Variants in BATF3 observed in about 807,000 individuals in gnomAD.
BATF3 encodes the protein basic leucine zipper ATF-like transcription factor 3.
BATF3 carries 8 observed loss-of-function variants against 16.1 expected under a neutral mutation model. The ratio of observed to expected loss-of-function variants is 0.50; its 90% CI spans 0.29 to 0.90. The LOEUF (loss-of-function observed/expected upper bound fraction) is 0.90. Among genes scored for constraint, BATF3 ranks in the 40% least tolerant of loss-of-function variants. The pLI is 0.08. For missense variants in BATF3, 139 were observed against 167.0 expected, an observed-to-expected ratio of 0.83 and a Z score of 0.92; for synonymous variants, 74 against 72.7, an observed-to-expected ratio of 1.02 and a Z score of -0.09.
chr1:212,686,804 C>G lies in BATF3; in HGVS notation c.371G>C (p.Cys124Ser), dbSNP rs755655500. Residue 124 changes from cysteine to serine, a missense_variant, in exon 3 of 3, where the codon TGC becomes TCC. Cys to Ser is a moderately radical substitution (Grantham distance 112). Transcript: ENST00000243440. Reference sequence around the variant, plus strand: ...GTGTCCCCGGCTTCATCGGGGCAAGCAGCCGGCCACAGGGTCCGGCCGGGG... The same window carrying G: ...GTGTCCCCGGCTTCATCGGGGCAAGGAGCCGGCCACAGGGTCCGGCCGGGG... ...VPPRPDPVAGCLPR is the reference protein window; with the variant it reads ...VPPRPDPVAGSLPR 10 of 1,611,856 alleles carry G rather than the reference C, an allele frequency of 6.2e-6. No homozygotes were observed. The highest frequency in any genetic ancestry group is 1.3e-5 in the African/African-American group (1 of 74,930).
chr1:212,689,826 C>T lies in BATF3; in HGVS notation c.196-2847G>A, dbSNP rs1656956273. Among the ~76,000 whole-genome samples, 1 of 138,438 alleles carries T rather than the reference C, an allele frequency of 7.2e-6. No homozygotes were observed. The highest frequency in any genetic ancestry group is 6.9e-5 in the Admixed American group (1 of 14,524). The allele number at this position is 138,438 out of a possible 152,430, so 90.8% of individuals were successfully genotyped here. A position where few individuals can be genotyped will look rare whatever the true frequency, so the allele number is the denominator to read the frequency against. On this transcript the variant is annotated intron_variant, in intron 2 of 2. Coordinates refer to ENST00000243440, the MANE Select transcript of BATF3 (RefSeq NM_018664.3). The surrounding 1 kb of genome is among the most constrained non-coding windows in gnomAD (Gnocchi z 4.6). ...ACACAGCCCGACACACACACTCTCA[C>T]ACACACACACTCATACACAACCACA...
rs1180865743 is a variant in BATF3 at position 212,689,094 on chromosome 1, T to C, written c.196-2115A>G. Among the ~76,000 whole-genome samples the C allele has an allele frequency of 1.3e-5, 2 of 152,122 alleles. No homozygotes were observed. Among genetic ancestry groups the C allele is most frequent in the East Asian group, 3.8e-4 (2 of 5,196 alleles). On this transcript the variant is annotated intron_variant, in intron 2 of 2. Coordinates refer to ENST00000243440, the MANE Select transcript of BATF3 (RefSeq NM_018664.3). The surrounding 1 kb of genome is among the most constrained non-coding windows in gnomAD (Gnocchi z 4.6). ...TACAGGAACCACATCTTTTATTATGTGTTCTATTCTATTTTGTATCATATT... is the reference window on the plus strand; with the variant it reads ...TACAGGAACCACATCTTTTATTATGCGTTCTATTCTATTTTGTATCATATT...
intron 2 of BATF3, among the ~76,000 whole-genome samples, chr1:212,690,296 G>C (rs1656972500): frequency 6.6e-6 from 1 of 152,192 alleles, no homozygotes; most frequent in Non-Finnish European, 1.5e-5. Flanking sequence ...TGGAAGCCGT[G>C]CGCAGCCCTG....
chr1:212,686,643 C>G lies in BATF3; in HGVS notation c.*148G>C. ...TGTTGGATGTCGGGCTGAGCCCAGT[C>G]TGCAGGGAACACAGCTGGCTGGTCC... On this transcript the variant is annotated 3_prime_UTR_variant, in exon 3 of 3. Transcript: ENST00000243440. 1.5e-6 allele frequency: 2 copies of G among 1,341,802 alleles called. No individual in the cohort carries two copies. The highest frequency in any genetic ancestry group is 1.5e-5 in the African/African-American group (1 of 68,184). The allele number at this position is 1,341,802 out of a possible 1,614,324, so 83.1% of individuals were successfully genotyped here. A position where few individuals can be genotyped will look rare whatever the true frequency, so the allele number is the denominator to read the frequency against.
chr1:212,692,895 C>T (rs911020364), intron 2 of BATF3, among the ~76,000 whole-genome samples: 16 of 152,246 alleles, frequency 1.1e-4, no homozygotes, highest in African/African-American at 3.1e-4. Context: ...TGATGCGCTA[C>T]AGTCTCCAGG....
intron 2 of BATF3, among the ~76,000 whole-genome samples, chr1:212,691,491 C>G (rs1656997510): frequency 6.6e-6 from 1 of 152,218 alleles, no homozygotes; most frequent in South Asian, 2.1e-4. Flanking sequence ...CTCAGGACTT[C>G]AGAATAAGTC....
chr1:212,698,974 C>A (rs993609289), intron 1 of BATF3, among the ~76,000 whole-genome samples: 3 of 152,204 alleles, frequency 2.0e-5, no homozygotes, highest in African/African-American at 4.8e-5. Context: ...CCAGCGACAC[C>A]TGATGACATG....
chr1:212,694,277 A>G (rs759465752), intron 2 of BATF3, among the ~76,000 whole-genome samples: 4 of 152,216 alleles, frequency 2.6e-5, no homozygotes, highest in Non-Finnish European at 4.4e-5. Flanking sequence ...TGTGACTGCC[A>G]AAGCTGGAAG....
rs148646559 is a variant in BATF3 at position 212,686,960 on chromosome 1, T to C, written c.215A>G (p.Gln72Arg). 4.7e-5 allele frequency: 75 copies of C among 1,606,644 alleles called. No homozygotes were observed. Among genetic ancestry groups the C allele is most frequent in the Admixed American group, 1.8e-4 (11 of 60,004 alleles). ...KLHEEYESLEQENTMLRREIG... is the reference protein window; with the variant it reads ...KLHEEYESLERENTMLRREIG... ...CTCTCTCCGCAGCATGGTGTTTTCT[T>C]GCTCCAGGCTCTCATATTCCTGGGG... Residue 72 changes from glutamine (Q) to arginine (R), a missense_variant, in exon 3 of 3, where the codon CAA becomes CGA. Transcript: ENST00000243440.
At chr1:212,687,119 T>C (rs1571831338) in intron 2 of BATF3, 140 bp from the exon 3 acceptor site, 1 of 646,934 alleles carries the variant, frequency 1.5e-6, no homozygotes, top group East Asian at 2.5e-5. Context: ...ATTCAGATAT[T>C]TGTCTATTTG....
At position 212,686,581 on chromosome 1, in the gene BATF3, T is replaced by C. The variant is rs188230194; in HGVS notation, c.*210A>G. The C allele has an allele frequency of 1.4e-6, 1 of 732,712 alleles. No homozygotes were observed. Among genetic ancestry groups the C allele is most frequent in the East Asian group, 2.8e-5 (1 of 36,346 alleles). The allele number at this position is 732,712 out of a possible 1,614,324, so 45.4% of individuals were successfully genotyped here. A position where few individuals can be genotyped will look rare whatever the true frequency, so the allele number is the denominator to read the frequency against. The stretch of plus-strand genomic sequence containing the variant: ...AAGTCACTCCTGAGGGTGGCCTCCA[T>C]GCTGGATCTGCACAAGGGCTCTGTG... On this transcript the variant is annotated 3_prime_UTR_variant, in exon 3 of 3. Transcript: ENST00000243440.
At chr1:212,694,680 C>T (rs191354207) in intron 2 of BATF3, among the ~76,000 whole-genome samples, 11 of 152,286 alleles carry the variant, frequency 7.2e-5, no homozygotes, top group Non-Finnish European at 1.6e-4. Flanking sequence ...CCACAGGTCC[C>T]CTCTGGGGGC....
intron 2 of BATF3, among the ~76,000 whole-genome samples, chr1:212,694,557 GT>G (rs1317268687): frequency 1.3e-5 from 2 of 152,204 alleles, no homozygotes; most frequent in Non-Finnish European, 2.9e-5. Context: ...TTTAAAACTA[GT>G]TTTTAAAAAT....
At chr1:212,691,294 A>G (rs1656994877) in intron 2 of BATF3, among the ~76,000 whole-genome samples, 1 of 152,224 alleles carries the variant, frequency 6.6e-6, no homozygotes, top group Admixed American at 6.5e-5. Flanking sequence ...ACCCCATTTC[A>G]CAAGTTAGAA....
intron 2 of BATF3, among the ~76,000 whole-genome samples, chr1:212,693,051 G>A (rs1657038100): frequency 6.6e-6 from 1 of 152,160 alleles, no homozygotes; most frequent in Admixed American, 6.5e-5. Flanking sequence ...GGGTCCCAAG[G>A]GGCTTTCTGT....
chr1:212,693,338 G>A (rs1004310251), intron 2 of BATF3, among the ~76,000 whole-genome samples: 4 of 152,148 alleles, frequency 2.6e-5, no homozygotes, highest in Admixed American at 6.5e-5. Flanking sequence ...TTCCTCACCC[G>A]CTTGTGACCA....
chr1:212,693,796 A>G (rs563336824), intron 2 of BATF3, among the ~76,000 whole-genome samples: 1 of 152,338 alleles, frequency 6.6e-6, no homozygotes, highest in South Asian at 2.1e-4. Flanking sequence ...AACGCTTCAT[A>G]CAGGTACTTT....
At position 212,686,844 on chromosome 1, in the gene BATF3, A is replaced by G. The variant is rs1478479964; in HGVS notation, c.331T>C (p.Phe111Leu). 3 of 1,613,978 alleles carry G rather than the reference A, an allele frequency of 1.9e-6. No homozygotes were observed. In the Admixed American group the frequency reaches 5.0e-5, roughly 27 times the overall value. The change falls in exon 3 of 3, where the codon TTT (phenylalanine) becomes CTT (leucine). Residue 111 changes from phenylalanine (F) to leucine (L), a missense_variant. Coordinates refer to ENST00000243440, the MANE Select transcript of BATF3 (RefSeq NM_018664.3). Reference sequence around the variant, plus strand: ...TCCGGCCGGGGAGGCACTGGCACAAAGTTCATAGGGCAGAGCAGCAGCGGG... The same window carrying G: ...TCCGGCCGGGGAGGCACTGGCACAAGGTTCATAGGGCAGAGCAGCAGCGGG... The part of the protein sequence containing the change: ...MCPLLLCPMN[F>L]VPVPPRPDPV...
At position 212,699,689 on chromosome 1, in the gene BATF3, G is replaced by C. The variant is rs1657223696; in HGVS notation, c.74C>G (p.Pro25Arg). 7.4e-7 allele frequency: 1 copy of C among 1,348,048 alleles called. No individual in the cohort carries two copies. The allele number at this position is 1,348,048 out of a possible 1,614,324, so 83.5% of individuals were successfully genotyped here. Reference protein sequence around the residue: ...SVAAPGNQPQPQPQQQSPEDD... With the variant: ...SVAAPGNQPQRQPQQQSPEDD... The stretch of plus-strand genomic sequence containing the variant: ...GCCCTCTACCTGCTGCTGCGGCTGC[G>C]GCTGCGGCTGGTTCCCGGGCGCCGC... The change falls in exon 1 of 3, where the codon CCG (proline) becomes CGG (arginine). Residue 25 changes from proline to arginine, a missense_variant. Pro to Arg is a moderately radical substitution (Grantham distance 103). Coordinates refer to ENST00000243440, the MANE Select transcript of BATF3 (RefSeq NM_018664.3). This position sits in a 1 kb window ranked among gnomAD's most constrained non-coding sequence, Gnocchi z 4.4.
Sources: gnomAD v4.1 joint callset for allele counts (sites outside exome capture counted in the v4.1 genomes callset) on GRCh38, gnomAD v4.1.1 for gene constraint, Gnocchi (gnomAD v3.1) non-coding constraint, MANE v1.5 for transcripts, NCBI Gene and HGNC (gene_info 2026-07-23, HGNC 2026-07-21) for gene names.